SLC38A12: variants seen among roughly 807,000 people sequenced by gnomAD.
SLC38A12 encodes the protein putative sodium-coupled neutral amino acid transporter 12.
chr17:74,827,739 G>A, the SLC38A12 span, among the ~76,000 whole-genome samples: 2 of 152,168 alleles, frequency 1.3e-5, no homozygotes, highest in Admixed American at 6.5e-5. The surrounding 1 kb of genome is among the most constrained non-coding windows in gnomAD (Gnocchi z 4.7). Flanking sequence ...TAGGCTGCAG[G>A]ATCCTTGGGC....
the SLC38A12 span, chr17:74,788,998 C>T: frequency 1.4e-6 from 1 of 739,768 alleles, no homozygotes; most frequent in Non-Finnish European, 2.1e-6. Context: ...CTCCTGGACC[C>T]CAGTCCCAGA....
chr17:74,829,663 C>T, the SLC38A12 span, among the ~76,000 whole-genome samples: 1 of 152,204 alleles, frequency 6.6e-6, no homozygotes. This position sits in a 1 kb window ranked among gnomAD's most constrained non-coding sequence, Gnocchi z 4.1. Context: ...AAGACGGACT[C>T]AGTGCCTCAG....
At chr17:74,794,949 A>AG in the SLC38A12 span, 757,513 of 1,172,068 alleles carry the variant, frequency 0.65, 200,715 homozygotes, top group Non-Finnish European at 0.68. Flanking sequence ...AAGAAGAAGA[A>AG]AAAAAAAAAA....
At chr17:74,788,850 A>T in the SLC38A12 span, 1 of 1,613,492 alleles carries the variant, frequency 6.2e-7, no homozygotes, top group Non-Finnish European at 8.5e-7. Context: ...GCTCCACTGG[A>T]AGAGGATGGA....
At chr17:74,783,944 G>A in the SLC38A12 span, among the ~76,000 whole-genome samples, 1 of 151,342 alleles carries the variant, frequency 6.6e-6, no homozygotes, top group African/African-American at 2.4e-5. Flanking sequence ...GGACAGGCTG[G>A]TCTCAAACTC....
At chr17:74,791,321 T>C in the SLC38A12 span, among the ~76,000 whole-genome samples, 11 of 149,366 alleles carry the variant, frequency 7.4e-5, no homozygotes, top group African/African-American at 1.2e-4. Context: ...GCTACTCCAG[T>C]GAGGGTCAGG....
At chr17:74,806,436 A>G in the SLC38A12 span, among the ~76,000 whole-genome samples, 1 of 152,150 alleles carries the variant, frequency 6.6e-6, no homozygotes, top group African/African-American at 2.4e-5. Context: ...CATAAATACT[A>G]AAAGAGCTGT....
At chr17:74,777,243 AGCCT>A in the SLC38A12 span, 1 of 1,479,168 alleles carries the variant, frequency 6.8e-7, no homozygotes, top group Non-Finnish European at 9.4e-7. Flanking sequence ...AGATAGGTGA[AGCCT>A]GCTCTTTTGT....
chr17:74,816,880 G>C, the SLC38A12 span, among the ~76,000 whole-genome samples: 3 of 152,098 alleles, frequency 2.0e-5, no homozygotes, highest in Admixed American at 6.5e-5. Flanking sequence ...AGAGTAGGCT[G>C]TCTCTTTTGG....
At chr17:74,779,152 T>G in the SLC38A12 span, among the ~76,000 whole-genome samples, 1 of 152,218 alleles carries the variant, frequency 6.6e-6, no homozygotes, top group South Asian at 2.1e-4. Flanking sequence ...GATAAGGAGA[T>G]GAGTCATCCC....
At chr17:74,788,317 T>C in the SLC38A12 span, among the ~76,000 whole-genome samples, 5 of 152,218 alleles carry the variant, frequency 3.3e-5, no homozygotes, top group Non-Finnish European at 5.9e-5. Context: ...ATGCCTGCGC[T>C]CCTTCCGTGA....
At chr17:74,810,963 G>A in the SLC38A12 span, among the ~76,000 whole-genome samples, 1 of 152,232 alleles carries the variant, frequency 6.6e-6, no homozygotes, top group Non-Finnish European at 1.5e-5. Flanking sequence ...GTTTGGTCGG[G>A]AAGAACTTGG....
At chr17:74,837,946 G>A in the SLC38A12 span, 2 of 985,536 alleles carry the variant, frequency 2.0e-6, no homozygotes, top group Non-Finnish European at 1.2e-6. Flanking sequence ...CTCTGGGGTG[G>A]GTCTCAGGCC....
At chr17:74,835,932 G>T in the SLC38A12 span, 1 of 1,597,976 alleles carries the variant, frequency 6.3e-7, no homozygotes. Context: ...CCCAGCTTTC[G>T]CCGTCATGAT....
At chr17:74,776,749 A>G in the SLC38A12 span, among the ~76,000 whole-genome samples, 1 of 152,130 alleles carries the variant, frequency 6.6e-6, no homozygotes, top group South Asian at 2.1e-4. Context: ...GGGAACCCTA[A>G]GAGAGTAGGT....
chr17:74,780,677 T>G, the SLC38A12 span, among the ~76,000 whole-genome samples: 1 of 152,096 alleles, frequency 6.6e-6, no homozygotes, highest in African/African-American at 2.4e-5. Context: ...ACTGATTACC[T>G]TTACAGAAGG....
At chr17:74,828,452 C>CT in the SLC38A12 span, among the ~76,000 whole-genome samples, 1 of 152,186 alleles carries the variant, frequency 6.6e-6, no homozygotes, top group Non-Finnish European at 1.5e-5. Context: ...CGGTCTGGCC[C>CT]TAGTGGATGC....
the SLC38A12 span, among the ~76,000 whole-genome samples, chr17:74,803,597 C>T: frequency 6.6e-6 from 1 of 152,224 alleles, no homozygotes; most frequent in African/African-American, 2.4e-5. Context: ...AGCCCGAGGC[C>T]TAAGCCCTCC....
At chr17:74,836,105 C>T in the SLC38A12 span, 2 of 1,614,062 alleles carry the variant, frequency 1.2e-6, no homozygotes, top group Non-Finnish European at 1.7e-6. The surrounding 1 kb of genome is among the most constrained non-coding windows in gnomAD (Gnocchi z 4.2). Context: ...AGCGCCACCT[C>T]ACAAGGCTGG....
Sources: gnomAD v4.1 joint callset for allele counts (sites outside exome capture counted in the v4.1 genomes callset) on GRCh38, gnomAD v4.1.1 for gene constraint, Gnocchi (gnomAD v3.1) non-coding constraint, MANE v1.5 for transcripts, NCBI Gene and HGNC (gene_info 2026-07-23, HGNC 2026-07-21) for gene names.